PCSK2: variants seen among roughly 807,000 people sequenced by gnomAD.
PCSK2 encodes the protein proprotein convertase subtilisin/kexin type 2.
PCSK2 carries 14 observed loss-of-function variants against 69.7 expected under a neutral mutation model. The observed-to-expected ratio is 0.20, with a 90% confidence interval of 0.13 to 0.31. PCSK2 has a LOEUF of 0.31. PCSK2 is among the 10% of genes least tolerant of loss of function. The pLI, the probability that PCSK2 is intolerant of heterozygous loss-of-function variation, is 1.00. For synonymous variants in PCSK2, 307 were observed against 320.7 expected (o/e 0.96, Z 0.46); for missense variants, 544 against 842.5 (o/e 0.65, Z 4.39).
At chr20:17,414,726 C>T (rs2031959314) in intron 6 of PCSK2, among the ~76,000 whole-genome samples, 1 of 152,012 alleles carries the variant, frequency 6.6e-6, no homozygotes, top group Non-Finnish European at 1.5e-5. Context: ...GGCAGAGACA[C>T]AACAAAAAAA....
chr20:17,273,775 C>A (rs1316806176), intron 2 of PCSK2, among the ~76,000 whole-genome samples: 1 of 152,114 alleles, frequency 6.6e-6, no homozygotes, highest in African/African-American at 2.4e-5. Context: ...CAAATGTTTC[C>A]TTTTCACTGT....
At chr20:17,362,679 G>A (rs552004448) in intron 4 of PCSK2, among the ~76,000 whole-genome samples, 3 of 152,230 alleles carry the variant, frequency 2.0e-5, no homozygotes, top group Non-Finnish European at 4.4e-5. Flanking sequence ...TCCTCTTAAA[G>A]GCTAGACCTG....
chr20:17,317,539 A>G (rs944835216), intron 2 of PCSK2, among the ~76,000 whole-genome samples: 1 of 152,166 alleles, frequency 6.6e-6, no homozygotes, highest in African/African-American at 2.4e-5. Context: ...TGGGCAACTA[A>G]ATCTTCATTT....
chr20:17,346,883 C>T (rs1439272611), intron 2 of PCSK2, among the ~76,000 whole-genome samples: 2 of 152,164 alleles, frequency 1.3e-5, no homozygotes, highest in Admixed American at 6.5e-5. Flanking sequence ...TTCACTTTCT[C>T]GGGGTTCTCG....
At chr20:17,437,984 T>A (rs200853247) in intron 8 of PCSK2, among the ~76,000 whole-genome samples, 10,680 of 114,336 alleles carry the variant, frequency 0.093, 463 homozygotes, top group East Asian at 0.18. Flanking sequence ...AGGCCAGCAG[T>A]TCCCCCCCAC....
chr20:17,261,716 G>A (rs935829197), intron 2 of PCSK2, among the ~76,000 whole-genome samples: 1 of 152,158 alleles, frequency 6.6e-6, no homozygotes, highest in African/African-American at 2.4e-5. Context: ...ATATGGACAG[G>A]GATCTTGCCC....
chr20:17,411,297 G>C (rs2031866551), intron 6 of PCSK2, among the ~76,000 whole-genome samples: 1 of 152,224 alleles, frequency 6.6e-6, no homozygotes, highest in Non-Finnish European at 1.5e-5. Context: ...GTGACAGACT[G>C]TACCTGGAAA....
chr20:17,277,713 A>G (rs1275056542), intron 2 of PCSK2, among the ~76,000 whole-genome samples: 1 of 151,238 alleles, frequency 6.6e-6, no homozygotes, highest in East Asian at 1.9e-4. Flanking sequence ...GCCAAAATTG[A>G]CAAATGGGAT....
intron 1 of PCSK2, among the ~76,000 whole-genome samples, chr20:17,236,283 A>G (rs1986335187): frequency 6.6e-6 from 1 of 152,168 alleles, no homozygotes; most frequent in Non-Finnish European, 1.5e-5. Context: ...AATATGCTAT[A>G]CAAAGGAGAT....
chr20:17,285,922 C>A (rs1189168840), intron 2 of PCSK2, among the ~76,000 whole-genome samples: 2 of 152,190 alleles, frequency 1.3e-5, no homozygotes, highest in Non-Finnish European at 2.9e-5. Context: ...TTACCAGACC[C>A]CACCAGAGCT....
At chr20:17,463,534 G>A (rs1335747479) in intron 10 of PCSK2, 1 of 149,480 alleles carries the variant, frequency 6.7e-6, no homozygotes, top group East Asian at 2.0e-4. Context: ...ATACTTTTAA[G>A]TTCTAGGGTA....
At chr20:17,398,128 G>T (rs994633827) in intron 5 of PCSK2, among the ~76,000 whole-genome samples, 1 of 152,180 alleles carries the variant, frequency 6.6e-6, no homozygotes, top group African/African-American at 2.4e-5. Context: ...TTAGGTGCAA[G>T]GGGAGGAGAG....
intron 5 of PCSK2, among the ~76,000 whole-genome samples, chr20:17,405,774 T>C (rs1305233377): frequency 6.6e-6 from 1 of 152,210 alleles, no homozygotes; most frequent in Non-Finnish European, 1.5e-5. Context: ...ATACCAGGGA[T>C]GGGTTTTTTT....
In PCSK2 at chr20:17,482,565, G is replaced by A. The variant is rs2033429045; in HGVS notation, c.*495G>A. 6.6e-6 allele frequency: 1 copy of A among 152,222 alleles called. No homozygotes were observed. Among genetic ancestry groups the A allele is most frequent in the African/African-American group, 2.4e-5 (1 of 41,402 alleles). 9.4% of individuals were successfully genotyped at this position (152,222 alleles called of 1,614,324 possible). A position where few individuals can be genotyped will look rare whatever the true frequency, so the allele number is the denominator to read the frequency against. On this transcript the variant is annotated 3_prime_UTR_variant, in exon 12 of 12. Transcript: ENST00000262545. ...GACACTGTGCTATAAATCCTTTGGG[G>A]AGCGATGTTTTGAATTTAGTGAGAT...
intron 2 of PCSK2, among the ~76,000 whole-genome samples, chr20:17,348,861 A>G (rs2029889529): frequency 6.6e-6 from 1 of 152,082 alleles, no homozygotes; most frequent in African/African-American, 2.4e-5. Context: ...TTCAAATGCA[A>G]CCTCATTCTG....
intron 2 of PCSK2, among the ~76,000 whole-genome samples, chr20:17,264,927 G>A (rs879263358): frequency 4.6e-5 from 7 of 151,866 alleles, no homozygotes; most frequent in East Asian, 1.9e-4. Context: ...GCAGTGGCAC[G>A]ATCTCAGCTC....
intron 5 of PCSK2, among the ~76,000 whole-genome samples, chr20:17,395,501 G>A (rs566202773): frequency 6.6e-6 from 1 of 152,098 alleles, no homozygotes; most frequent in Non-Finnish European, 1.5e-5. Context: ...GAGTCAGAAG[G>A]TCACATTTTT....
intron 11 of PCSK2, among the ~76,000 whole-genome samples, chr20:17,466,139 A>C (rs1339260734): frequency 6.6e-6 from 1 of 152,056 alleles, no homozygotes; most frequent in Non-Finnish European, 1.5e-5. Context: ...TATAAACATC[A>C]CCCAGCTCAA....
chr20:17,364,136 A>T (rs886082875), intron 4 of PCSK2, among the ~76,000 whole-genome samples: 2 of 125,034 alleles, frequency 1.6e-5, no homozygotes, highest in Middle Eastern at 3.4e-3. Context: ...TTAAAGTATA[A>T]AAAAAAAAAA....
Sources: allele counts gnomAD v4.1 joint callset (sites outside exome capture counted in the v4.1 genomes callset), GRCh38; gene constraint gnomAD v4.1.1; transcripts MANE v1.5; gene names NCBI Gene and HGNC (gene_info 2026-07-23, HGNC 2026-07-21).